The following CHRM3 variants were observed in gnomAD, a reference collection of about 807,000 sequenced individuals.
CHRM3 encodes muscarinic acetylcholine receptor M3.
A neutral mutation model predicts 41.8 loss-of-function variants in CHRM3; 11 were observed. The ratio of observed to expected loss-of-function variants is 0.26; its 90% CI spans 0.17 to 0.44. CHRM3 has a LOEUF of 0.44. CHRM3 is among the 20% of genes least tolerant of loss of function. The pLI is 1.00. For synonymous variants in CHRM3, 297 were observed against 301.4 expected (o/e 0.99, Z 0.15); for missense variants, 571 against 745.4 (o/e 0.77, Z 2.72).
intron 6 of CHRM3, among the ~76,000 whole-genome samples, chr1:239,864,630 A>C (rs2149288368): frequency 6.6e-6 from 1 of 152,200 alleles, no homozygotes; most frequent in South Asian, 2.1e-4. Flanking sequence ...CATCGGGCCT[A>C]AAGGGGAGTG....
intron 3 of CHRM3, among the ~76,000 whole-genome samples, chr1:239,604,207 C>T (rs112757630): frequency 0.042 from 6,444 of 151,670 alleles, 450 homozygotes; most frequent in African/African-American, 0.15. Flanking sequence ...TGATTACTTA[C>T]ACTTTAAGAG....
chr1:239,888,753 G>C (rs1301806883), intron 6 of CHRM3, among the ~76,000 whole-genome samples: 1 of 152,180 alleles, frequency 6.6e-6, no homozygotes, highest in African/African-American at 2.4e-5. Context: ...TTCATCAGTA[G>C]TGTCCCAAAC....
chr1:239,902,077 T>A (rs1679623808), intron 6 of CHRM3, among the ~76,000 whole-genome samples: 1 of 152,178 alleles, frequency 6.6e-6, no homozygotes. Context: ...AGCCCTTATC[T>A]TTAAATCCCT....
rs543721896 is a variant in CHRM3, at chr1:239,416,247, G to A, written c.-521+29020G>A. The stretch of plus-strand genomic sequence containing the variant: ...GTTTGATCACTGATTTTCTCCTAAC[G>A]TTTAGATTCAAACAAATGACCATAT... On this transcript the variant is annotated intron_variant, in intron 1 of 6. Coordinates refer to ENST00000676153, the MANE Select transcript of CHRM3 (RefSeq NM_001375978.1). Among the ~76,000 whole-genome samples, 8 of 152,130 alleles carry A rather than the reference G, an allele frequency of 5.3e-5. No individual in the cohort carries two copies. In the South Asian group the frequency reaches 1.5e-3, roughly 28 times the overall value.
At chr1:239,897,329 C>T (rs992631536) in intron 6 of CHRM3, among the ~76,000 whole-genome samples, 2 of 152,068 alleles carry the variant, frequency 1.3e-5, no homozygotes, top group Admixed American at 6.5e-5. Flanking sequence ...AAAGCGATCA[C>T]GAGTCTAACT....
At chr1:239,810,196 C>T (rs892282394) in intron 5 of CHRM3, among the ~76,000 whole-genome samples, 3 of 152,050 alleles carry the variant, frequency 2.0e-5, no homozygotes, top group African/African-American at 7.2e-5. Context: ...TCCCTAGGGC[C>T]GTGATGAAAT....
chr1:239,446,609 G>C (rs1440273810), intron 1 of CHRM3, among the ~76,000 whole-genome samples: 1 of 152,056 alleles, frequency 6.6e-6, no homozygotes, highest in African/African-American at 2.4e-5. Flanking sequence ...AGTGACTGTC[G>C]ATTTCCAGTG....
intron 1 of CHRM3, among the ~76,000 whole-genome samples, chr1:239,388,349 A>T (rs1241506823): frequency 6.6e-6 from 1 of 152,166 alleles, no homozygotes; most frequent in Non-Finnish European, 1.5e-5. Flanking sequence ...CTTTGCACAG[A>T]CTTTTCCTTT....
At chr1:239,410,660 G>T (rs1660995653) in intron 1 of CHRM3, among the ~76,000 whole-genome samples, 1 of 152,094 alleles carries the variant, frequency 6.6e-6, no homozygotes, top group Admixed American at 6.5e-5. Context: ...TCTGCCCCGT[G>T]CCTTTGGCAT....
chr1:239,406,465 T>G (rs924288856), intron 1 of CHRM3, among the ~76,000 whole-genome samples: 16 of 152,144 alleles, frequency 1.1e-4, no homozygotes, highest in African/African-American at 3.9e-4. Flanking sequence ...CCAAAGAAAA[T>G]GAACTATGAA....
intron 3 of CHRM3, among the ~76,000 whole-genome samples, chr1:239,577,477 T>C (rs1158094804): frequency 6.6e-6 from 1 of 152,170 alleles, no homozygotes; most frequent in African/African-American, 2.4e-5. Flanking sequence ...TAAAGTGTGG[T>C]CGGGATTGAT....
At chr1:239,422,286 T>G (rs556228089) in intron 1 of CHRM3, among the ~76,000 whole-genome samples, 1 of 152,356 alleles carries the variant, frequency 6.6e-6, no homozygotes, top group African/African-American at 2.4e-5. Flanking sequence ...GTGCAGTAAC[T>G]TAATGTCTTA....
intron 1 of CHRM3, among the ~76,000 whole-genome samples, chr1:239,403,358 C>A (rs1660140818): frequency 1.3e-5 from 2 of 152,152 alleles, no homozygotes; most frequent in Admixed American, 1.3e-4. Context: ...TTCCTTGTTA[C>A]TGTTCCCTTT....
chr1:239,813,006 A>G (rs1258344690), intron 5 of CHRM3, among the ~76,000 whole-genome samples: 1 of 152,204 alleles, frequency 6.6e-6, no homozygotes, highest in Admixed American at 6.5e-5. Context: ...GTGGCCAGCC[A>G]CAGTGGCTCA....
intron 1 of CHRM3, among the ~76,000 whole-genome samples, chr1:239,408,521 C>CA (rs371319364): frequency 0.041 from 2,508 of 60,616 alleles, 92 homozygotes; most frequent in African/African-American, 0.078. Context: ...GAGACTCCGT[C>CA]AAAAAAAAAA....
chr1:239,798,768 A>C (rs1669988894), intron 5 of CHRM3, among the ~76,000 whole-genome samples: 1 of 152,324 alleles, frequency 6.6e-6, no homozygotes, highest in Admixed American at 6.5e-5. Flanking sequence ...CCTGATGTTA[A>C]TAAGACTGGC....
chr1:239,894,773 G>C (rs774632565), intron 6 of CHRM3, among the ~76,000 whole-genome samples: 14 of 151,830 alleles, frequency 9.2e-5, no homozygotes, highest in Non-Finnish European at 1.8e-4. Flanking sequence ...ACCAACAACT[G>C]TATCAGAGGC....
intron 5 of CHRM3, among the ~76,000 whole-genome samples, chr1:239,708,790 G>A (rs1661466871): frequency 8.8e-6 from 1 of 113,322 alleles, no homozygotes; most frequent in Non-Finnish European, 1.7e-5. Context: ...AGGTTCCGTG[G>A]TACTTTCTGC....
intron 5 of CHRM3, among the ~76,000 whole-genome samples, chr1:239,740,708 A>G (rs544740226): frequency 2.0e-5 from 3 of 152,230 alleles, no homozygotes; most frequent in East Asian, 1.9e-4. Context: ...GCCAATAAAC[A>G]TGAAAAAAGC....
Sources: gnomAD v4.1 joint callset for allele counts (sites outside exome capture counted in the v4.1 genomes callset) on GRCh38, gnomAD v4.1.1 for gene constraint, MANE v1.5 for transcripts, NCBI Gene and HGNC (gene_info 2026-07-23, HGNC 2026-07-21) for gene names.